MYH7B: variants seen among roughly 807,000 people sequenced by gnomAD.
The protein encoded by MYH7B is myosin-7B.
In MYH7B, 205 loss-of-function variants were observed where a neutral mutation model predicts 234.5. The ratio of observed to expected loss-of-function variants is 0.87; its 90% CI spans 0.78 to 0.98. The LOEUF is 0.98. MYH7B is among the 50% of genes least tolerant of loss of function. The pLI, the probability that MYH7B is intolerant of heterozygous loss-of-function variation, is 0.00. For missense variants in MYH7B, 2,652 were observed against 2,633.4 expected (o/e 1.01, Z -0.15); for synonymous variants, 1,193 against 1,105.0 (o/e 1.08, Z -1.58).
Position 34,990,812 on chromosome 20 carries a change from G to A in MYH7B, c.2052G>A (p.Glu684=), listed in dbSNP as rs1333658777. 4 of 1,614,032 alleles carry A rather than the reference G, an allele frequency of 2.5e-6. No homozygotes were observed. The Admixed American group carries it at 6.7e-5, about 27-fold the overall frequency. The change falls in exon 23 of 45, where the codon GAG becomes GAA. Residue 684 remains glutamate (E), a synonymous_variant. Coordinates refer to ENST00000262873, the Ensembl canonical transcript of MYH7B. ...TCGTCCGCTGCATTGTCCCCAACGA[G>A]AACAAAACCCCAGGTAGTCACCCAG...
At chr20:34,999,369 CTGGAGA>C in exon 36 of MYH7B, 1 of 1,534,568 alleles carries the variant, frequency 6.5e-7, no homozygotes, top group Non-Finnish European at 8.8e-7. Context: ...ACTTGAAGCC[CTGGAGA>C]CGCTCAAGCG....
At position 34,977,579 on chromosome 20, in the gene MYH7B, G is replaced by A. The variant is rs371945556; in HGVS notation, c.-121-53G>A. The A allele has an allele frequency of 7.2e-6, 11 of 1,535,980 alleles. No homozygotes were observed. In the Admixed American group the frequency reaches 7.8e-5, roughly 11 times the overall value. ...TTGTGTCCTGTGGCCAGGCTGGGGG[G>A]GCTGTGACACGTGGAGATTGCTGAC... On this transcript the variant is annotated intron_variant, in intron 3 of 44. Coordinates refer to ENST00000262873, the Ensembl canonical transcript of MYH7B.
At chr20:35,001,618 C>T (rs1464340215) in intron 43 of MYH7B, 92 bp downstream of exon 43, 2 of 1,148,604 alleles carry the variant, frequency 1.7e-6, no homozygotes, top group African/African-American at 1.5e-5. Context: ...CAGCTCCACC[C>T]TCCAAGGTCA....
intron 7 of MYH7B, 177 bp downstream of exon 7, chr20:34,979,981 T>G: frequency 8.6e-6 from 4 of 466,326 alleles, no homozygotes; most frequent in Admixed American, 3.4e-5. Flanking sequence ...GAGGCGGGGC[T>G]CTGAGCAGTG....
At chr20:34,992,385 CA>C (rs57996416) in intron 24 of MYH7B, among the ~76,000 whole-genome samples, 46,865 of 97,886 alleles carry the variant, frequency 0.48, 9,086 homozygotes, top group East Asian at 0.68. Flanking sequence ...GACTCCGTCT[CA>C]AAAAAAAAAA....
At chr20:34,981,813 C>G (rs2081945997) in intron 9 of MYH7B, 1 of 142,544 alleles carries the variant, frequency 7.0e-6, no homozygotes, top group Non-Finnish European at 1.5e-5. Context: ...GATCACGCCA[C>G]TGCACTCCAG....
In MYH7B at chr20:34,985,147, G is replaced by A. The variant is rs995425639; in HGVS notation, c.805+18G>A. On this transcript the variant is annotated intron_variant, in intron 13 of 44. Coordinates refer to ENST00000262873, the Ensembl canonical transcript of MYH7B. ...TGACAGCTGTGAGTCAACCCCCTGC[G>A]GGCGGTGCAGGGGAAGGAGGCCTGA... 19 of 1,612,002 alleles carry A rather than the reference G, an allele frequency of 1.2e-5. No homozygotes were observed. The highest frequency in any genetic ancestry group is 4.4e-5 in the South Asian group (4 of 91,076).
At chr20:34,977,738 G>GGGGGGGGGGGGGCCCC in intron 4 of MYH7B, 58 bp downstream of exon 4, 1 of 317,152 alleles carries the variant, frequency 3.2e-6, no homozygotes, top group Non-Finnish European at 5.9e-6. Context: ...GGGCGGGTGG[G>GGGGGGGGGGGGGCCCC]TGAGGGTGCC....
intron 22 of MYH7B, 60 bp downstream of exon 22, chr20:34,990,370 C>G (rs761293538): frequency 6.3e-7 from 1 of 1,581,688 alleles, no homozygotes; most frequent in Admixed American, 1.7e-5. Flanking sequence ...CCGTCCTTCA[C>G]CCCCTGCCCT....
intron 28 of MYH7B, 114 bp downstream of exon 28, chr20:34,995,692 A>G: frequency 1.4e-6 from 2 of 1,467,032 alleles, no homozygotes; most frequent in South Asian, 2.7e-5. Flanking sequence ...GGCCCTGGGC[A>G]TGTCACTGCC....
chr20:34,980,826 C>T, intron 8 of MYH7B, 92 bp downstream of exon 8: 2 of 1,547,200 alleles, frequency 1.3e-6, no homozygotes, highest in Non-Finnish European at 1.8e-6. Flanking sequence ...ACTGGCACTG[C>T]CCCCCTTTTG....
exon 45 of MYH7B, chr20:35,002,403 G>GTCAT (rs2082411264): frequency 9.3e-6 from 4 of 430,942 alleles, no homozygotes; most frequent in Non-Finnish European, 1.6e-5. Context: ...GTCCACAGCA[G>GTCAT]TCATTTTTAA....
chr20:34,959,549 C>T (rs1055987633), intron 2 of MYH7B, among the ~76,000 whole-genome samples: 6 of 151,614 alleles, frequency 4.0e-5, no homozygotes, highest in Admixed American at 6.6e-5. Flanking sequence ...ACGATCTTGG[C>T]TCACTGCAAC....
rs1384492646 is a variant in MYH7B at position 34,981,078 on chromosome 20, G to C, written c.527+18G>C. On this transcript the variant is annotated intron_variant, in intron 9 of 44. Transcript: ENST00000262873. ...CTGATCACGTGAGTGTGGGGCTCTG[G>C]GGGTGGGGTGGAAAATGCTGGCCAT... 12 of 1,613,220 alleles carry C rather than the reference G, an allele frequency of 7.4e-6. No individual in the cohort carries two copies. In the Admixed American group the frequency reaches 1.0e-4, roughly 13 times the overall value.
rs1054142439 is a variant in MYH7B, at chr20:35,001,414, C to G, written c.5581-17C>G. The G allele has an allele frequency of 6.3e-7, 1 of 1,594,556 alleles. No individual in the cohort carries two copies. Among genetic ancestry groups the G allele is most frequent in the Non-Finnish European group, 8.5e-7 (1 of 1,170,830 alleles). On this transcript the variant is annotated splice_polypyrimidine_tract_variant and intron_variant, in intron 42 of 44. Coordinates refer to ENST00000262873, the Ensembl canonical transcript of MYH7B. Reference sequence around the variant, plus strand: ...GGCCCAGCCCAAGCAAGCCCTGAGTCCCCCTTGCCCGCCCAGGCCGAGGAG... The same window carrying G: ...GGCCCAGCCCAAGCAAGCCCTGAGTGCCCCTTGCCCGCCCAGGCCGAGGAG...
intron 22 of MYH7B, 181 bp from the exon 23 acceptor site, chr20:34,990,557 T>G (rs1600450047): frequency 1.3e-6 from 1 of 794,508 alleles, no homozygotes; most frequent in Non-Finnish European, 2.2e-6. Flanking sequence ...GGCAGGGAAG[T>G]GAAGACTTTG....
At chr20:34,969,407 C>T (rs2081772064) in intron 2 of MYH7B, among the ~76,000 whole-genome samples, 1 of 152,178 alleles carries the variant, frequency 6.6e-6, no homozygotes, top group South Asian at 2.1e-4. Context: ...CCCCCAGCTA[C>T]CAAACACTGT....
At chr20:34,981,035 C>G (rs370367964) in exon 9 of MYH7B, 22 of 1,614,084 alleles carry the variant, frequency 1.4e-5, no homozygotes, top group Non-Finnish European at 1.7e-5. Context: ...TCCTCCAGAC[C>G]GAGACAACCA....
At chr20:34,997,575 A>G in exon 32 of MYH7B, 2 of 1,613,226 alleles carry the variant, frequency 1.2e-6, no homozygotes, top group Non-Finnish European at 1.7e-6. Context: ...GGAGAAGGAG[A>G]AGAGTGAGCT....
Sources: gnomAD v4.1 joint callset for allele counts (sites outside exome capture counted in the v4.1 genomes callset) on GRCh38, gnomAD v4.1.1 for gene constraint, MANE v1.5 for transcripts, NCBI Gene and HGNC (gene_info 2026-07-23, HGNC 2026-07-21) for gene names.